The following ADGB variants were observed in gnomAD, a reference collection of about 807,000 sequenced individuals.
The protein encoded by ADGB is calpain-7-like protein.
In ADGB, 172 loss-of-function variants were observed where a neutral mutation model predicts 210.5. That is an observed-to-expected ratio of 0.82 (90% CI 0.72 to 0.93). The LOEUF (loss-of-function observed/expected upper bound fraction) is 0.93. ADGB is among the 40% of genes least tolerant of loss of function. The pLI is 0.00. For synonymous variants in ADGB, 658 were observed against 662.7 expected (o/e 0.99, Z 0.11); for missense variants, 2,025 against 1,964.8 (o/e 1.03, Z -0.58).
chr6:146,735,214 A>G (rs1291412293), intron 22 of ADGB, among the ~76,000 whole-genome samples: 1 of 152,224 alleles, frequency 6.6e-6, no homozygotes, highest in Non-Finnish European at 1.5e-5. Context: ...AACTCAATAT[A>G]GGATGTCTTG....
At chr6:146,701,097 C>T in intron 13 of ADGB, 27 bp downstream of exon 13, 1 of 1,546,436 alleles carries the variant, frequency 6.5e-7, no homozygotes, top group South Asian at 1.2e-5. Context: ...TACTGTTGGC[C>T]CAACTCTTAA....
At chr6:146,671,804 A>G (rs1046220677) in intron 7 of ADGB, among the ~76,000 whole-genome samples, 1 of 152,204 alleles carries the variant, frequency 6.6e-6, no homozygotes, top group East Asian at 1.9e-4. Context: ...TCAGGGAAGA[A>G]TTAAAAGCAA....
At chr6:146,639,392 A>G (rs1387681948) in intron 2 of ADGB, 1 of 152,062 alleles carries the variant, frequency 6.6e-6, no homozygotes, top group Non-Finnish European at 1.5e-5. Flanking sequence ...AAAAAGAGCC[A>G]TCTATGAAAA....
At position 146,609,044 on chromosome 6, in the gene ADGB, G is replaced by A. The variant is rs1357259001; in HGVS notation, c.74+9930G>A. 2.0e-5 allele frequency among the ~76,000 whole-genome samples: 3 copies of A among 152,126 alleles called. No individual in the cohort carries two copies. In the East Asian group the frequency reaches 5.8e-4, roughly 29 times the overall value. On this transcript the variant is annotated intron_variant, in intron 1 of 35. Transcript: ENST00000397944. ...CTCTAGGAACTTGTTCAATGAATCTGGGTTCCCCAGTTTTGGATGCATATA... is the reference window on the plus strand; with the variant it reads ...CTCTAGGAACTTGTTCAATGAATCTAGGTTCCCCAGTTTTGGATGCATATA...
intron 1 of ADGB, among the ~76,000 whole-genome samples, chr6:146,609,676 A>C (rs1048662187): frequency 6.6e-6 from 1 of 152,140 alleles, no homozygotes; most frequent in Non-Finnish European, 1.5e-5. Context: ...CTTGTTTGCA[A>C]AGGATTTTAT....
intron 27 of ADGB, among the ~76,000 whole-genome samples, chr6:146,757,272 A>C (rs1223182302): frequency 1.3e-5 from 2 of 151,600 alleles, no homozygotes; most frequent in Non-Finnish European, 2.9e-5. Flanking sequence ...ACCCTAGTTG[A>C]TTGTGGTGGT....
chr6:146,641,466 A>AT (rs1362487970), intron 2 of ADGB, among the ~76,000 whole-genome samples: 8 of 151,730 alleles, frequency 5.3e-5, no homozygotes, highest in African/African-American at 1.9e-4. Flanking sequence ...AAAAAAAAAA[A>AT]GCTGGAGGAA....
chr6:146,690,500 G>A (rs930011639), intron 10 of ADGB, among the ~76,000 whole-genome samples: 5 of 152,098 alleles, frequency 3.3e-5, no homozygotes, highest in African/African-American at 4.8e-5. Context: ...AATCAGTAAC[G>A]TAAGTTCTAC....
At chr6:146,753,072 A>T (rs1164077803) in intron 27 of ADGB, among the ~76,000 whole-genome samples, 3 of 152,110 alleles carry the variant, frequency 2.0e-5, no homozygotes, top group Non-Finnish European at 4.4e-5. Context: ...TAAAGTTACT[A>T]CTTGCAATAT....
intron 18 of ADGB, chr6:146,725,473 C>T (rs2114576632): frequency 6.6e-6 from 1 of 152,310 alleles, no homozygotes; most frequent in Non-Finnish European, 1.5e-5. Flanking sequence ...CCAGGTTGGA[C>T]ACTCCTTATA....
At chr6:146,601,408 A>G (rs9377010) in intron 1 of ADGB, among the ~76,000 whole-genome samples, 138,473 of 152,238 alleles carry the variant, frequency 0.91, 63,011 homozygotes, top group Middle Eastern at 0.95. Flanking sequence ...TTTTTCTGCA[A>G]CATTAAATAA....
rs1383296449 is a variant in ADGB at position 146,664,214 on chromosome 6, A to G, written c.626A>G (p.Lys209Arg). 1 of 1,546,360 alleles carries G rather than the reference A, an allele frequency of 6.5e-7. No homozygotes were observed. Among genetic ancestry groups the G allele is most frequent in the South Asian group, 1.2e-5 (1 of 83,124 alleles). The change falls in exon 6 of 36, where the codon AAG (lysine) becomes AGG (arginine). Residue 209 changes from lysine (K) to arginine (R), a missense_variant. Transcript: ENST00000397944. ...TCTTATTTTTAGGGTTGCTGGAGAA[A>G]GATAACAATTGATGACTTTTTGCCT... ...VKLYWMGCWR[K>R]ITIDDFLPFD...
At chr6:146,715,247 A>T in intron 13 of ADGB, 135 bp from the exon 14 acceptor site, 1 of 715,314 alleles carries the variant, frequency 1.4e-6, no homozygotes, top group Admixed American at 3.3e-5. Flanking sequence ...TTTTTTTGGT[A>T]GGTTTTAGTA....
chr6:146,783,410 C>A (rs1038852907), intron 30 of ADGB, among the ~76,000 whole-genome samples: 1 of 152,124 alleles, frequency 6.6e-6, no homozygotes, highest in Non-Finnish European at 1.5e-5. Flanking sequence ...ATAAGATTAA[C>A]CCAATCCATA....
At chr6:146,607,438 G>A (rs1780648007) in intron 1 of ADGB, among the ~76,000 whole-genome samples, 1 of 152,144 alleles carries the variant, frequency 6.6e-6, no homozygotes, top group Admixed American at 6.5e-5. Context: ...ATTTGGAATA[G>A]GAGTGGTGAG....
chr6:146,600,945 CACACA>C (rs1780548082), intron 1 of ADGB, among the ~76,000 whole-genome samples: 1 of 151,788 alleles, frequency 6.6e-6, no homozygotes, highest in Admixed American at 6.6e-5. Context: ...CACACACACA[CACACA>C]CACACACACA....
At chr6:146,642,226 A>T (rs1180325690) in intron 2 of ADGB, among the ~76,000 whole-genome samples, 1 of 152,066 alleles carries the variant, frequency 6.6e-6, no homozygotes, top group Admixed American at 6.6e-5. Flanking sequence ...TTAAAAAGCC[A>T]AAAAAGAACA....
At chr6:146,783,562 G>T (rs905951348) in intron 30 of ADGB, among the ~76,000 whole-genome samples, 1 of 152,038 alleles carries the variant, frequency 6.6e-6, no homozygotes, top group Non-Finnish European at 1.5e-5. Flanking sequence ...GTGTTAAAAG[G>T]AGGAAATAAA....
At chr6:146,625,249 A>G (rs1192728538) in intron 1 of ADGB, among the ~76,000 whole-genome samples, 4 of 152,102 alleles carry the variant, frequency 2.6e-5, no homozygotes, top group Admixed American at 1.3e-4. Flanking sequence ...AAGCTCTGTT[A>G]TTAAATTCAA....
Sources: allele counts gnomAD v4.1 joint callset (sites outside exome capture counted in the v4.1 genomes callset), GRCh38; gene constraint gnomAD v4.1.1; transcripts MANE v1.5; gene names NCBI Gene and HGNC (gene_info 2026-07-23, HGNC 2026-07-21).